Variants in RAP1GDS1 observed in about 807,000 individuals in gnomAD.
The protein encoded by RAP1GDS1 is Rap1 GTPase-GDP dissociation stimulator 1, also known as RAP1, GTP-GDP dissociation stimulator 1.
In RAP1GDS1, 35 loss-of-function variants were observed where a neutral mutation model predicts 71.1. The observed-to-expected ratio is 0.49, with a 90% CI of 0.38 to 0.65. The LOEUF is 0.65. Among genes scored for constraint, RAP1GDS1 ranks in the 30% least tolerant of loss-of-function variants. The pLI, the probability that RAP1GDS1 is intolerant of heterozygous loss-of-function variation, is 0.00. For synonymous variants in RAP1GDS1, 229 were observed against 243.1 expected (o/e 0.94, Z 0.54); for missense variants, 663 against 706.1 (o/e 0.94, Z 0.69).
At position 98,400,232 on chromosome 4, in the gene RAP1GDS1, G is replaced by A. The variant is rs12643987; in HGVS notation, c.638-4245G>A. Reference sequence around the variant, plus strand: ...TACTGGGTATTTATCAAAAGGAAAGGAAGTCAGTATTGAAGAAACATTACA... The same window carrying A: ...TACTGGGTATTTATCAAAAGGAAAGAAAGTCAGTATTGAAGAAACATTACA... On this transcript the variant is annotated intron_variant, in intron 6 of 14. Transcript: ENST00000408927. Among the ~76,000 whole-genome samples, 491 of 151,992 alleles carry A rather than the reference G, an allele frequency of 3.2e-3. 21 individuals are homozygous for A. In the East Asian group the frequency reaches 0.092, roughly 29 times the overall value.
intron 2 of RAP1GDS1, among the ~76,000 whole-genome samples, chr4:98,329,788 CAAAAAAAAAAA>C: frequency 2.3e-5 from 1 of 43,428 alleles, no homozygotes; most frequent in South Asian, 8.2e-4. Context: ...GACTCCATCT[CAAAAAAAAAAA>C]AAAAAAAAAA....
Position 98,352,523 on chromosome 4 carries a change from G to T in RAP1GDS1, c.283G>T (p.Val95Leu). 1 of 1,613,886 alleles carries T rather than the reference G, an allele frequency of 6.2e-7. No homozygotes were observed. The highest frequency in any genetic ancestry group is 8.5e-7 in the Non-Finnish European group (1 of 1,179,872). The change falls in exon 4 of 15, where the codon GTG (valine) becomes TTG (leucine). Residue 95 changes from valine (V) to leucine (L), a missense_variant. Coordinates refer to ENST00000408927, the MANE Select transcript of RAP1GDS1 (RefSeq NM_001100427.2). ...CVDAGLISPL[V>L]QLLNSKDQEV... ...GGATGCTGGATTGATTTCACCACTG[G>T]TGCAGCTGCTAAATAGCAAAGACCA...
At chr4:98,297,700 G>A (rs1049955606) in intron 2 of RAP1GDS1, among the ~76,000 whole-genome samples, 3 of 151,994 alleles carry the variant, frequency 2.0e-5, no homozygotes, top group African/African-American at 7.3e-5. Context: ...CCTCTCCTCA[G>A]GCCTCCCTAT....
At chr4:98,307,399 G>T (rs546095145) in intron 2 of RAP1GDS1, among the ~76,000 whole-genome samples, 1 of 152,000 alleles carries the variant, frequency 6.6e-6, no homozygotes, top group South Asian at 2.1e-4. Context: ...CAGAAATTTT[G>T]TAAATACTTT....
At chr4:98,330,879 C>T (rs1168134506) in intron 2 of RAP1GDS1, among the ~76,000 whole-genome samples, 2 of 152,212 alleles carry the variant, frequency 1.3e-5, no homozygotes, top group African/African-American at 2.4e-5. Context: ...AGATGCTCCT[C>T]ACTTCCTAGA....
chr4:98,401,708 A>G (rs542505655), intron 6 of RAP1GDS1, among the ~76,000 whole-genome samples: 1 of 152,338 alleles, frequency 6.6e-6, no homozygotes, highest in Non-Finnish European at 1.5e-5. Flanking sequence ...TGTCCAAATT[A>G]TACTTCATGC....
At chr4:98,412,516 TAA>T (rs1014665761) in intron 7 of RAP1GDS1, among the ~76,000 whole-genome samples, 2 of 152,122 alleles carry the variant, frequency 1.3e-5, no homozygotes, top group African/African-American at 4.8e-5. Flanking sequence ...CACTGTCTCT[TAA>T]ACAAAAAATC....
At chr4:98,440,655 C>G (rs1751749031) in intron 14 of RAP1GDS1, among the ~76,000 whole-genome samples, 1 of 152,142 alleles carries the variant, frequency 6.6e-6, no homozygotes, top group South Asian at 2.1e-4. Flanking sequence ...GGAGAAATGT[C>G]TATTCAAGTC....
Position 98,442,892 on chromosome 4 carries a change from C to T in RAP1GDS1, c.*775C>T, listed in dbSNP as rs1393651143. 4.3e-6 allele frequency: 1 copy of T among 231,820 alleles called. No individual in the cohort carries two copies. The highest frequency in any genetic ancestry group is 6.1e-5 in the East Asian group (1 of 16,326). The allele number at this position is 231,820 out of a possible 1,614,324, so 14.4% of individuals were successfully genotyped here. On this transcript the variant is annotated 3_prime_UTR_variant, in exon 15 of 15. Transcript: ENST00000408927. ...TGTATTTTAGATTCTGATACATACG[C>T]TGTTTCACTCAGGAACTACTTCTAC...
chr4:98,324,949 C>G (rs1387572974), intron 2 of RAP1GDS1, among the ~76,000 whole-genome samples: 1 of 151,610 alleles, frequency 6.6e-6, no homozygotes, highest in Non-Finnish European at 1.5e-5. Context: ...AGAGCTTCTG[C>G]ACAGCAAAAG....
intron 5 of RAP1GDS1, among the ~76,000 whole-genome samples, chr4:98,391,052 G>GTGTT (rs1333282940): frequency 6.6e-6 from 1 of 152,092 alleles, no homozygotes; most frequent in Non-Finnish European, 1.5e-5. Context: ...GACAGTTATA[G>GTGTT]TGTTTTGCAT....
intron 4 of RAP1GDS1, among the ~76,000 whole-genome samples, chr4:98,370,112 C>T (rs1025311204): frequency 2.6e-5 from 4 of 152,090 alleles, no homozygotes; most frequent in Non-Finnish European, 5.9e-5. Flanking sequence ...TTCCCCTCAC[C>T]CAAGTAAAAC....
chr4:98,394,101 A>G (rs1372473263), intron 6 of RAP1GDS1, among the ~76,000 whole-genome samples: 4 of 152,216 alleles, frequency 2.6e-5, no homozygotes, highest in African/African-American at 9.6e-5. Context: ...AGGAAAAGTC[A>G]GTACAAAGTA....
At chr4:98,409,696 C>A in intron 7 of RAP1GDS1, 1 of 438,818 alleles carries the variant, frequency 2.3e-6, no homozygotes, top group Non-Finnish European at 4.6e-6. Flanking sequence ...TAGAGAAGCG[C>A]ACTTTGTGAG....
At chr4:98,268,857 A>G (rs1305320863) in intron 1 of RAP1GDS1, among the ~76,000 whole-genome samples, 3 of 152,182 alleles carry the variant, frequency 2.0e-5, no homozygotes, top group Admixed American at 2.0e-4. Context: ...GGAAGAATTA[A>G]TATTGTTACA....
chr4:98,302,547 CAG>C (rs1367234486), intron 2 of RAP1GDS1, among the ~76,000 whole-genome samples: 1 of 152,010 alleles, frequency 6.6e-6, no homozygotes, highest in Non-Finnish European at 1.5e-5. Flanking sequence ...AATGGTGAAA[CAG>C]AGATAGTATT....
intron 2 of RAP1GDS1, among the ~76,000 whole-genome samples, chr4:98,325,344 C>T (rs1732834622): frequency 6.6e-6 from 1 of 151,296 alleles, no homozygotes; most frequent in African/African-American, 2.4e-5. Flanking sequence ...CTAGGTCAAC[C>T]ATTGTGGAAG....
rs544015044 is a variant in RAP1GDS1, at chr4:98,348,437, G to A, written c.236-4039G>A. ...TGCCACAGTAAACATACGTGTGCAT[G>A]TGTCTTTATAGCAGCATGATTTATA... On this transcript the variant is annotated intron_variant, in intron 3 of 14. Coordinates refer to ENST00000408927, the MANE Select transcript of RAP1GDS1 (RefSeq NM_001100427.2). 1.1e-3 allele frequency among the ~76,000 whole-genome samples: 170 copies of A among 152,316 alleles called. 1 individual carries two copies. In the South Asian group the frequency reaches 0.017, roughly 16 times the overall value.
At chr4:98,302,864 G>A (rs1253682342) in intron 2 of RAP1GDS1, among the ~76,000 whole-genome samples, 1 of 152,086 alleles carries the variant, frequency 6.6e-6, no homozygotes, top group Non-Finnish European at 1.5e-5. Context: ...TGGCCAATAT[G>A]GCAAAACCTC....
Sources: allele counts gnomAD v4.1 joint callset (sites outside exome capture counted in the v4.1 genomes callset), GRCh38; gene constraint gnomAD v4.1.1; transcripts MANE v1.5; gene names NCBI Gene and HGNC (gene_info 2026-07-23, HGNC 2026-07-21).